Variants in MIGA1 observed in about 807,000 individuals in gnomAD.
MIGA1 encodes mitoguardin 1.
In MIGA1, 58 loss-of-function variants were observed where a neutral mutation model predicts 82.0. The observed-to-expected ratio is 0.71, with a 90% confidence interval of 0.57 to 0.88. The LOEUF (loss-of-function observed/expected upper bound fraction) is 0.88, where lower values mean the gene tolerates loss of function less well. MIGA1 is among the 40% of genes least tolerant of loss of function. The pLI, the probability that MIGA1 is intolerant of heterozygous loss-of-function variation, is 0.00. For missense variants in MIGA1, 751 were observed against 749.1 expected, an observed-to-expected ratio of 1.00 and a Z score of -0.03; for synonymous variants, 249 against 253.6, an observed-to-expected ratio of 0.98 and a Z score of 0.17.
At chr1:77,843,141 T>C (rs1483914627) in intron 7 of MIGA1, among the ~76,000 whole-genome samples, 166 bp from the exon 8 acceptor site, 7 of 152,252 alleles carry the variant, frequency 4.6e-5, no homozygotes, top group African/African-American at 1.4e-4. Context: ...CTCCCCTACT[T>C]GTCAGAGTTT....
chr1:77,802,624 A>C (rs946044739), intron 3 of MIGA1, among the ~76,000 whole-genome samples: 1 of 152,078 alleles, frequency 6.6e-6, no homozygotes, highest in East Asian at 1.9e-4. Flanking sequence ...ATAACAATAA[A>C]AAAATTGTTT....
intron 8 of MIGA1, among the ~76,000 whole-genome samples, chr1:77,849,519 C>T (rs1301042748): frequency 2.6e-5 from 4 of 152,076 alleles, no homozygotes; most frequent in Admixed American, 6.5e-5. Context: ...ATAGAAAATA[C>T]ACTTTACGTT....
intron 7 of MIGA1, among the ~76,000 whole-genome samples, chr1:77,841,054 G>A (rs892046259): frequency 6.6e-6 from 1 of 152,066 alleles, no homozygotes; most frequent in Non-Finnish European, 1.5e-5. Context: ...TTCTAATTGA[G>A]TGTCCCAAAA....
Position 77,843,223 on chromosome 1 carries a change from A to G in MIGA1, c.896-84A>G. ...AGTAGTCTAAATAAAGACTGGGGGA[A>G]AAATCAAAATCAAACTATGGAATGT... On this transcript the variant is annotated intron_variant, in intron 7 of 15. Transcript: ENST00000370791. 5 of 984,648 alleles carry G rather than the reference A, an allele frequency of 5.1e-6. No individual in the cohort carries two copies. The Middle Eastern group carries it at 1.1e-3, about 211-fold the overall frequency. 61.0% of individuals were successfully genotyped at this position (984,648 alleles called of 1,614,324 possible).
chr1:77,842,153 A>G (rs1436865201), intron 7 of MIGA1, among the ~76,000 whole-genome samples: 2 of 152,132 alleles, frequency 1.3e-5, no homozygotes, highest in African/African-American at 2.4e-5. Context: ...AGAAAAATCT[A>G]TATATGTTTT....
At chr1:77,856,323 A>G (rs1471585961) in intron 8 of MIGA1, among the ~76,000 whole-genome samples, 1 of 152,154 alleles carries the variant, frequency 6.6e-6, no homozygotes, top group East Asian at 1.9e-4. Flanking sequence ...TTTAGCATCT[A>G]TGTTCATCAA....
intron 6 of MIGA1, 131 bp downstream of exon 6, chr1:77,813,998 T>G (rs931483093): frequency 1.2e-6 from 1 of 853,942 alleles, no homozygotes; most frequent in African/African-American, 1.7e-5. Context: ...TCAAGCGATC[T>G]TCCCGCCTTG....
intron 7 of MIGA1, among the ~76,000 whole-genome samples, chr1:77,832,344 C>T (rs1051018961): frequency 1.3e-5 from 2 of 152,176 alleles, no homozygotes; most frequent in Non-Finnish European, 2.9e-5. Context: ...ATATGTCAAA[C>T]ATGGTATAAG....
chr1:77,874,773 T>C (rs966800599), intron 15 of MIGA1, 73 bp from the exon 16 acceptor site: 49 of 1,042,256 alleles, frequency 4.7e-5, no homozygotes, highest in Non-Finnish European at 6.5e-5. Flanking sequence ...TCAGTGCTCA[T>C]TATAATATTA....
chr1:77,796,060 T>C (rs1682640864), intron 2 of MIGA1, among the ~76,000 whole-genome samples: 1 of 152,102 alleles, frequency 6.6e-6, no homozygotes, highest in African/African-American at 2.4e-5. Flanking sequence ...TAATATCTAG[T>C]GTACACATAA....
intron 8 of MIGA1, chr1:77,847,988 T>A (rs1471113717): frequency 9.8e-6 from 12 of 1,225,278 alleles, no homozygotes; most frequent in Non-Finnish European, 1.4e-5. Flanking sequence ...ACCACAGGAA[T>A]CAAAACCACT....
chr1:77,848,755 A>T lies in MIGA1; in HGVS notation c.996+5348A>T, dbSNP rs576573757. On this transcript the variant is annotated intron_variant, in intron 8 of 15. Transcript: ENST00000370791. The stretch of plus-strand genomic sequence containing the variant: ...TAGAGACAGGTACTTGGCCAGGCAG[A>T]TGGTGCAGGTTAATGCAAAGAGCTA... 1.3e-5 allele frequency: 19 copies of T among 1,419,916 alleles called. No homozygotes were observed. The African/African-American group carries it at 2.4e-4, about 18-fold the overall frequency. 88.0% of individuals were successfully genotyped at this position (1,419,916 alleles called of 1,614,324 possible).
chr1:77,822,423 C>T (rs549903892), intron 7 of MIGA1, among the ~76,000 whole-genome samples: 1 of 151,922 alleles, frequency 6.6e-6, no homozygotes, highest in East Asian at 1.9e-4. Flanking sequence ...GAGATCCTGT[C>T]TCTAGAGAAA....
At position 77,783,271 on chromosome 1, in the gene MIGA1, A is replaced by G. The variant is rs779664204; in HGVS notation, c.115A>G (p.Ser39Gly). The change falls in exon 2 of 16, where the codon AGT (serine) becomes GGT (glycine). Residue 39 changes from serine to glycine, a missense_variant. Physicochemically the swap from Ser to Gly is moderately conservative, Grantham distance 56. This residue lies in a region of MIGA1 where 482 missense variants were observed against 439.4 expected (regional missense o/e 1.10). Transcript: ENST00000370791. ...AGGAGCCATGTCAGAAGAAACAGTA[A>G]GTGAATCACAGTTTTCCTTGAAGAC... 3 of 1,593,488 alleles carry G rather than the reference A, an allele frequency of 1.9e-6. No homozygotes were observed. The highest frequency in any genetic ancestry group is 1.7e-6 in the Non-Finnish European group (2 of 1,166,044).
At chr1:77,779,808 T>G (rs1681816849) in intron 1 of MIGA1, 72 bp downstream of exon 1, 1 of 1,487,610 alleles carries the variant, frequency 6.7e-7, no homozygotes, top group Non-Finnish European at 8.9e-7. Flanking sequence ...GCCACGCAGT[T>G]GGGGCAGAGG....
chr1:77,867,405 G>A (rs1685712787), intron 14 of MIGA1, among the ~76,000 whole-genome samples: 1 of 152,186 alleles, frequency 6.6e-6, no homozygotes, highest in Non-Finnish European at 1.5e-5. Context: ...GCTCACTGCA[G>A]CCTCTATAAC....
At chr1:77,813,893 T>G in intron 6 of MIGA1, 26 bp downstream of exon 6, 1 of 1,609,660 alleles carries the variant, frequency 6.2e-7, no homozygotes. Context: ...TTGAGTGGTC[T>G]TCATAATATT....
At chr1:77,799,275 A>C (rs1232695861) in intron 2 of MIGA1, among the ~76,000 whole-genome samples, 1 of 152,314 alleles carries the variant, frequency 6.6e-6, no homozygotes, top group East Asian at 1.9e-4. Context: ...TACGGTATTC[A>C]ATAAATTACT....
At chr1:77,869,677 G>A (rs1439288532) in intron 14 of MIGA1, among the ~76,000 whole-genome samples, 1 of 129,360 alleles carries the variant, frequency 7.7e-6, no homozygotes, top group Non-Finnish European at 1.7e-5. Flanking sequence ...TCCCGGACGG[G>A]GCGGCCGGCT....
Sources: allele counts gnomAD v4.1 joint callset (sites outside exome capture counted in the v4.1 genomes callset), GRCh38; gene constraint gnomAD v4.1.1; regional missense constraint gnomAD v4.1.1; transcripts MANE v1.5; gene names NCBI Gene and HGNC (gene_info 2026-07-23, HGNC 2026-07-21).